Variants in PTPRM observed in about 807,000 individuals in gnomAD.
The protein encoded by PTPRM is receptor-type tyrosine-protein phosphatase mu.
A neutral mutation model predicts 186.7 loss-of-function variants in PTPRM; 47 were observed. That is an observed-to-expected ratio of 0.25 (90% confidence interval 0.20 to 0.32). The LOEUF (loss-of-function observed/expected upper bound fraction) is 0.32. Among genes scored for constraint, PTPRM ranks in the 10% least tolerant of loss-of-function variants. PTPRM has a pLI of 1.00. For synonymous variants in PTPRM, 668 were observed against 674.9 expected (o/e 0.99, Z 0.16); for missense variants, 1,494 against 1,865.0 (o/e 0.80, Z 3.66).
At chr18:8,319,404 G>A (rs1033408546) in intron 22 of PTPRM, among the ~76,000 whole-genome samples, 190 bp downstream of exon 22, 6 of 152,184 alleles carry the variant, frequency 3.9e-5, no homozygotes, top group Non-Finnish European at 7.4e-5. Flanking sequence ...TTCATGTTGA[G>A]ATCATTAGGA....
chr18:7,993,564 T>C (rs898977067), intron 7 of PTPRM, among the ~76,000 whole-genome samples: 47 of 151,950 alleles, frequency 3.1e-4, no homozygotes, highest in African/African-American at 1.1e-3. Flanking sequence ...GAAAATCGAG[T>C]GATATATTCA....
intron 1 of PTPRM, among the ~76,000 whole-genome samples, chr18:7,721,141 C>CTTT (rs71165750): frequency 6.2e-5 from 9 of 145,270 alleles, no homozygotes; most frequent in Non-Finnish European, 1.2e-4. Flanking sequence ...TTATTATTTT[C>CTTT]TTTTTTTTTT....
At position 7,713,172 on chromosome 18, in the gene PTPRM, T is replaced by C. The variant is rs1162869523; in HGVS notation, c.74-60977T>C. Among the ~76,000 whole-genome samples, 3 of 152,174 alleles carry C rather than the reference T, an allele frequency of 2.0e-5. No individual in the cohort carries two copies. The East Asian group carries it at 5.8e-4, about 29-fold the overall frequency. ...GCCCATCAGACTAACAGTGGATCTC[T>C]CTGCAGAAACCCTACAATCCAGAAG... On this transcript the variant is annotated intron_variant, in intron 1 of 32. Coordinates refer to ENST00000580170, the MANE Select transcript of PTPRM (RefSeq NM_001105244.2).
At chr18:7,987,985 T>C (rs2083053802) in intron 7 of PTPRM, among the ~76,000 whole-genome samples, 1 of 138,172 alleles carries the variant, frequency 7.2e-6, no homozygotes, top group Non-Finnish European at 1.5e-5. Context: ...AGGACCAGCC[T>C]GGACAACATA....
At chr18:7,993,455 A>C (rs1451757340) in intron 7 of PTPRM, among the ~76,000 whole-genome samples, 2 of 152,098 alleles carry the variant, frequency 1.3e-5, no homozygotes, top group Non-Finnish European at 2.9e-5. Flanking sequence ...TTAAAGAGAG[A>C]ATTCTAAACA....
chr18:7,819,413 A>T (rs1216419501), intron 2 of PTPRM, among the ~76,000 whole-genome samples: 1 of 152,218 alleles, frequency 6.6e-6, no homozygotes, highest in Non-Finnish European at 1.5e-5. Flanking sequence ...AGAAGAGCAC[A>T]CCGACAAAAG....
intron 14 of PTPRM, among the ~76,000 whole-genome samples, chr18:8,152,258 A>G (rs1048242522): frequency 4.6e-5 from 7 of 152,246 alleles, no homozygotes; most frequent in Admixed American, 4.6e-4. Flanking sequence ...AGCTGAAGCC[A>G]TAGGTTTGGA....
intron 2 of PTPRM, among the ~76,000 whole-genome samples, chr18:7,859,739 C>A (rs2047266677): frequency 6.6e-6 from 1 of 152,308 alleles, no homozygotes; most frequent in East Asian, 1.9e-4. Flanking sequence ...AAGACCAGAG[C>A]TAGTAGAAAT....
At chr18:8,300,128 T>C (rs1362308366) in intron 20 of PTPRM, among the ~76,000 whole-genome samples, 1 of 152,168 alleles carries the variant, frequency 6.6e-6, no homozygotes, top group Non-Finnish European at 1.5e-5. Context: ...AAGACATGCA[T>C]GAAATAATAG....
chr18:7,980,095 C>A (rs1228462087), intron 7 of PTPRM, among the ~76,000 whole-genome samples: 4 of 123,338 alleles, frequency 3.2e-5, no homozygotes, highest in Non-Finnish European at 8.4e-5. Flanking sequence ...GTCTTCGCAG[C>A]CCCACAAAAT....
At chr18:8,072,205 A>G (rs944390894) in intron 8 of PTPRM, among the ~76,000 whole-genome samples, 8 of 152,226 alleles carry the variant, frequency 5.3e-5, no homozygotes, top group Non-Finnish European at 8.8e-5. Context: ...ATAAGCATTT[A>G]GTTCATGTTT....
At chr18:7,595,967 C>G (rs115402201) in intron 1 of PTPRM, among the ~76,000 whole-genome samples, 163 of 152,282 alleles carry the variant, frequency 1.1e-3, no homozygotes, top group African/African-American at 3.9e-3. Context: ...TCTTTTCCCA[C>G]TTGTTTGACA....
At chr18:7,827,027 A>G (rs2045520402) in intron 2 of PTPRM, among the ~76,000 whole-genome samples, 1 of 152,150 alleles carries the variant, frequency 6.6e-6, no homozygotes, top group Admixed American at 6.6e-5. Context: ...GCTTGGGTCC[A>G]GGAGGTCGAG....
intron 2 of PTPRM, among the ~76,000 whole-genome samples, chr18:7,867,344 C>G (rs544155790): frequency 1.6e-3 from 247 of 152,224 alleles, no homozygotes; most frequent in African/African-American, 5.6e-3. Flanking sequence ...ACTGGTTGTT[C>G]CTTTCCATGT....
intron 2 of PTPRM, among the ~76,000 whole-genome samples, chr18:7,886,449 T>G (rs2048789536): frequency 6.6e-6 from 1 of 152,234 alleles, no homozygotes; most frequent in African/African-American, 2.4e-5. Context: ...CACAGATAGG[T>G]TCGCTTGTGA....
chr18:7,946,865 T>C, intron 5 of PTPRM: 1 of 451,928 alleles, frequency 2.2e-6, no homozygotes, highest in Admixed American at 2.4e-5. Context: ...AGCACTCCTG[T>C]CTGCTTTCTC....
rs73939438 is a variant in PTPRM at position 8,333,230 on chromosome 18, C to T, written c.2957-10193C>T. On this transcript the variant is annotated intron_variant, in intron 22 of 32. Transcript: ENST00000580170. ...TGCTTTTCCTTTTCTGCAGCTGAAA[C>T]AAAAAATATTTCATGAAAGTTGCAT... is the stretch of plus-strand genomic sequence containing the variant. Among the ~76,000 whole-genome samples the T allele has an allele frequency of 9.0e-3, 1,377 of 152,204 alleles. 26 individuals carry two copies. Among genetic ancestry groups the T allele is most frequent in the African/African-American group, 0.032 (1,310 of 41,542 alleles).
chr18:8,205,841 G>A (rs2093920310), intron 14 of PTPRM, among the ~76,000 whole-genome samples: 1 of 152,034 alleles, frequency 6.6e-6, no homozygotes, highest in Non-Finnish European at 1.5e-5. Flanking sequence ...TAGAGAAAAT[G>A]AATTTTAATG....
intron 1 of PTPRM, among the ~76,000 whole-genome samples, chr18:7,766,453 A>G (rs2042018349): frequency 6.6e-6 from 1 of 152,210 alleles, no homozygotes; most frequent in South Asian, 2.1e-4. Flanking sequence ...TTCATTGCTG[A>G]GATCCAGGGG....
Sources: allele counts gnomAD v4.1 joint callset (sites outside exome capture counted in the v4.1 genomes callset), GRCh38; gene constraint gnomAD v4.1.1; transcripts MANE v1.5; gene names NCBI Gene and HGNC (gene_info 2026-07-23, HGNC 2026-07-21).